SGCZ: variants seen among roughly 807,000 people sequenced by gnomAD.
SGCZ encodes the protein zeta-sarcoglycan.
SGCZ carries 40 observed loss-of-function variants against 41.3 expected under a neutral mutation model. The ratio of observed to expected loss-of-function variants is 0.97; its 90% CI spans 0.75 to 1.26. SGCZ has a LOEUF of 1.26. SGCZ is among the 50% of genes most tolerant of loss of function. The pLI is 0.00. For synonymous variants in SGCZ, 206 were observed against 137.5 expected (o/e 1.50, Z -3.49); for missense variants, 552 against 369.8 (o/e 1.49, Z -4.04).
At chr8:14,647,148 A>AT (rs1014059560) in intron 1 of SGCZ, among the ~76,000 whole-genome samples, 2 of 151,968 alleles carry the variant, frequency 1.3e-5, no homozygotes, top group African/African-American at 4.8e-5. Flanking sequence ...CATCTAGACT[A>AT]TTTTTTAAGA....
Position 14,944,181 on chromosome 8 carries a change from T to A in SGCZ, c.39+293404A>T, listed in dbSNP as rs539227404. Reference sequence around the variant, plus strand: ...GGCCTGCAGGCTGAAGGTAGCTAGGTCTTCACCTCTGGCTAAGTTTTAAGG... The same window carrying A: ...GGCCTGCAGGCTGAAGGTAGCTAGGACTTCACCTCTGGCTAAGTTTTAAGG... On this transcript the variant is annotated intron_variant, in intron 1 of 7. Transcript: ENST00000382080. Among the ~76,000 whole-genome samples, 17 of 152,294 alleles carry A rather than the reference T, an allele frequency of 1.1e-4. No homozygotes were observed. In the South Asian group the frequency reaches 3.3e-3, roughly 30 times the overall value.
chr8:15,218,919 G>A (rs993356053), intron 1 of SGCZ, among the ~76,000 whole-genome samples: 3 of 152,142 alleles, frequency 2.0e-5, no homozygotes, highest in African/African-American at 4.8e-5. Context: ...CACAAGTGGC[G>A]CTGAAAATGA....
chr8:14,464,281 C>T (rs957781142), intron 2 of SGCZ, among the ~76,000 whole-genome samples: 4 of 151,362 alleles, frequency 2.6e-5, no homozygotes, highest in Non-Finnish European at 5.9e-5. Flanking sequence ...TTTTTGGTTA[C>T]TAACTCAATC....
intron 1 of SGCZ, among the ~76,000 whole-genome samples, chr8:14,671,870 T>C (rs1177827270): frequency 6.6e-6 from 1 of 152,188 alleles, no homozygotes; most frequent in African/African-American, 2.4e-5. Context: ...AATTCTGGAA[T>C]ATGTCTTCCC....
intron 1 of SGCZ, among the ~76,000 whole-genome samples, chr8:15,210,394 T>C (rs1480815789): frequency 6.6e-6 from 1 of 152,150 alleles, no homozygotes; most frequent in African/African-American, 2.4e-5. Flanking sequence ...ATTCCTCTTC[T>C]TCAGTTTCCG....
chr8:14,433,970 G>T (rs572910183), intron 2 of SGCZ, among the ~76,000 whole-genome samples: 1 of 151,850 alleles, frequency 6.6e-6, no homozygotes, highest in African/African-American at 2.4e-5. Context: ...AAGCTCTTTC[G>T]TTTAAGTCCC....
chr8:14,551,268 C>A (rs68146051), intron 2 of SGCZ, among the ~76,000 whole-genome samples: 7 of 142,294 alleles, frequency 4.9e-5, no homozygotes, highest in Non-Finnish European at 1.1e-4. Flanking sequence ...TGAGTGTTGA[C>A]GCTAGAAAAG....
intron 1 of SGCZ, among the ~76,000 whole-genome samples, chr8:14,824,023 T>C (rs761122333): frequency 1.4e-5 from 2 of 146,198 alleles, no homozygotes; most frequent in Non-Finnish European, 3.0e-5. Context: ...ATATAGAATC[T>C]AAAGGGAAAA....
In SGCZ at chr8:15,237,602, C is replaced by G. The variant is rs752898819; in HGVS notation, c.22G>C (p.Asp8His). 6 of 1,590,822 alleles carry G rather than the reference C, an allele frequency of 3.8e-6. No individual in the cohort carries two copies. The highest frequency in any genetic ancestry group is 3.4e-5 in the South Asian group (3 of 87,870). ...GCACGTACCTTGAGCTCCTCAATGTCCAGGTTCGTTGATCTGTCCATGGAG... is the reference window on the plus strand; with the variant it reads ...GCACGTACCTTGAGCTCCTCAATGTGCAGGTTCGTTGATCTGTCCATGGAG... MDRSTNL[D>H]IEELKMTREQ... The change falls in exon 1 of 8, where the codon GAC becomes CAC. Residue 8 changes from aspartate to histidine, a missense_variant. Physicochemically the swap from Asp to His is moderately conservative, Grantham distance 81. Transcript: ENST00000382080.
At chr8:14,235,670 T>C (rs1349534626) in intron 4 of SGCZ, among the ~76,000 whole-genome samples, 1 of 152,114 alleles carries the variant, frequency 6.6e-6, no homozygotes, top group Non-Finnish European at 1.5e-5. Context: ...GGCATGGGTA[T>C]ATATTCTTGG....
At chr8:14,706,251 A>C (rs1357680878) in intron 1 of SGCZ, among the ~76,000 whole-genome samples, 1 of 152,036 alleles carries the variant, frequency 6.6e-6, no homozygotes, top group Non-Finnish European at 1.5e-5. Context: ...CCTTTTTAAA[A>C]CCAGAATAAA....
At chr8:15,208,619 G>A (rs138220791) in intron 1 of SGCZ, among the ~76,000 whole-genome samples, 1,794 of 152,176 alleles carry the variant, frequency 0.012, 101 homozygotes, top group Admixed American at 0.096. Flanking sequence ...AAGTCTGTAA[G>A]GTAGGAATTA....
At chr8:14,651,159 T>A (rs1807384397) in intron 1 of SGCZ, among the ~76,000 whole-genome samples, 2 of 152,066 alleles carry the variant, frequency 1.3e-5, no homozygotes, top group Admixed American at 1.3e-4. Context: ...ATCTTGCCAA[T>A]GTTTACATTT....
intron 1 of SGCZ, among the ~76,000 whole-genome samples, chr8:14,726,426 A>G (rs1810059714): frequency 6.7e-6 from 1 of 150,292 alleles, no homozygotes; most frequent in African/African-American, 2.4e-5. Flanking sequence ...ATAAAAGAGT[A>G]GAAAAATGTC....
chr8:14,898,291 C>A (rs776554319), intron 1 of SGCZ, among the ~76,000 whole-genome samples: 2 of 151,980 alleles, frequency 1.3e-5, no homozygotes, highest in African/African-American at 2.4e-5. Flanking sequence ...GAGGAAAGAT[C>A]CAGGCAAAGA....
chr8:14,643,538 T>A (rs1259902110), intron 1 of SGCZ, among the ~76,000 whole-genome samples: 2 of 150,360 alleles, frequency 1.3e-5, no homozygotes, highest in Non-Finnish European at 3.0e-5. Context: ...AAGTGAATAT[T>A]TTTCAAAAAA....
Position 15,147,123 on chromosome 8 carries a change from C to T in SGCZ, c.39+90462G>A, listed in dbSNP as rs377642962. On this transcript the variant is annotated intron_variant, in intron 1 of 7. Coordinates refer to ENST00000382080, the MANE Select transcript of SGCZ (RefSeq NM_139167.4). ...ATTAATTTATTGTTAATTATCCAAG[C>T]AGTATACCTATGATATTAATACTGC... 2.6e-5 allele frequency among the ~76,000 whole-genome samples: 4 copies of T among 152,226 alleles called. No individual in the cohort carries two copies. The East Asian group carries it at 7.7e-4, about 29-fold the overall frequency.
intron 2 of SGCZ, among the ~76,000 whole-genome samples, chr8:14,451,393 T>C (rs142965005): frequency 2.6e-3 from 391 of 152,316 alleles, no homozygotes; most frequent in African/African-American, 8.8e-3. Flanking sequence ...ACAGTGTTAC[T>C]GAGTGGAAAT....
At chr8:14,276,647 A>G (rs1800244279) in intron 3 of SGCZ, among the ~76,000 whole-genome samples, 1 of 151,986 alleles carries the variant, frequency 6.6e-6, no homozygotes, top group Non-Finnish European at 1.5e-5. Flanking sequence ...CTATTTCCTT[A>G]TTATAATCTC....
Sources: allele counts gnomAD v4.1 joint callset (sites outside exome capture counted in the v4.1 genomes callset), GRCh38; gene constraint gnomAD v4.1.1; transcripts MANE v1.5; gene names NCBI Gene and HGNC (gene_info 2026-07-23, HGNC 2026-07-21).